Variants in CMSS1 observed in about 807,000 individuals in gnomAD.
CMSS1 encodes the protein protein CMSS1.
In CMSS1, 33 loss-of-function variants were observed where a neutral mutation model predicts 43.5. The ratio of observed to expected loss-of-function variants is 0.76; its 90% CI spans 0.57 to 1.01. The LOEUF (loss-of-function observed/expected upper bound fraction) is 1.01. Ranked by LOEUF, CMSS1 falls within the 50% of genes least tolerant of loss-of-function variation. The pLI is 0.00. For missense variants in CMSS1, 313 were observed against 326.4 expected (o/e 0.96, Z 0.32); for synonymous variants, 115 against 117.2 (o/e 0.98, Z 0.12).
At chr3:99,963,990 G>T (rs1559705644) in intron 1 of CMSS1, among the ~76,000 whole-genome samples, 8 of 151,976 alleles carry the variant, frequency 5.3e-5, no homozygotes, top group Admixed American at 4.6e-4. Context: ...GAGCTCCCAG[G>T]TACAACCAAG....
intron 1 of CMSS1, among the ~76,000 whole-genome samples, chr3:99,840,118 C>G (rs1313051383): frequency 6.7e-6 from 1 of 149,214 alleles, no homozygotes; most frequent in Admixed American, 6.7e-5. Context: ...TTCCCCACAA[C>G]AAAGAGTTAC....
At position 99,957,566 on chromosome 3, in the gene CMSS1, G is replaced by A. The variant is rs151322851; in HGVS notation, c.64+139523G>A. 2.1e-3 allele frequency among the ~76,000 whole-genome samples: 321 copies of A among 151,860 alleles called. 1 individual carries two copies. The highest frequency in any genetic ancestry group is 4.3e-3 in the Admixed American group (65 of 15,260). ...TGCTCTTAATCACTTCTTTAATACC[G>A]TAAACAGTTGGAATTTTCACCCTCT... On this transcript the variant is annotated intron_variant, in intron 1 of 9. Transcript: ENST00000421999.
At chr3:99,946,540 G>T (rs1407616304) in intron 1 of CMSS1, among the ~76,000 whole-genome samples, 1 of 152,208 alleles carries the variant, frequency 6.6e-6, no homozygotes, top group African/African-American at 2.4e-5. Context: ...TGCAGCTAAA[G>T]AATGGGCTGA....
At chr3:99,911,370 G>T (rs1207046836) in intron 1 of CMSS1, among the ~76,000 whole-genome samples, 1 of 150,432 alleles carries the variant, frequency 6.6e-6, no homozygotes. Context: ...TATTATTATT[G>T]TTAAGTTGTT....
At position 99,975,869 on chromosome 3, in the gene CMSS1, G is replaced by A. The variant is rs1007618956; in HGVS notation, c.64+157826G>A. Among the ~76,000 whole-genome samples, 4 of 152,270 alleles carry A rather than the reference G, an allele frequency of 2.6e-5. 1 individual carries two copies. Among genetic ancestry groups the A allele is most frequent in the Admixed American group, 2.6e-4 (4 of 15,292 alleles). ...TTGCATATTTTCTTTGGGCTAGCAA[G>A]CAAACAGTAATAAAATGTCTCTTTT... On this transcript the variant is annotated intron_variant, in intron 1 of 9. Transcript: ENST00000421999.
intron 1 of CMSS1, among the ~76,000 whole-genome samples, chr3:100,044,275 T>A (rs1273035592): frequency 1.3e-5 from 2 of 152,242 alleles, no homozygotes; most frequent in Admixed American, 6.5e-5. Flanking sequence ...ATTGACATGG[T>A]CTTTGCCCTA....
chr3:99,919,951 GGAACAAGA>G (rs1317103263), intron 1 of CMSS1, among the ~76,000 whole-genome samples: 2 of 152,170 alleles, frequency 1.3e-5, no homozygotes, highest in African/African-American at 4.8e-5. Flanking sequence ...GGACAGAAAA[GGAACAAGA>G]GATTAATTCT....
At chr3:99,907,873 T>G (rs1706671595) in intron 1 of CMSS1, among the ~76,000 whole-genome samples, 1 of 152,210 alleles carries the variant, frequency 6.6e-6, no homozygotes, top group Non-Finnish European at 1.5e-5. Context: ...CCTGAATGCT[T>G]TTCTCCTCCT....
chr3:100,080,403 T>C (rs973987377), intron 1 of CMSS1, among the ~76,000 whole-genome samples: 1 of 152,180 alleles, frequency 6.6e-6, no homozygotes, highest in Non-Finnish European at 1.5e-5. Flanking sequence ...CAGACTTTAG[T>C]GAGCATAACA....
chr3:99,959,260 A>T (rs1381583859), intron 1 of CMSS1, among the ~76,000 whole-genome samples: 1 of 151,736 alleles, frequency 6.6e-6, no homozygotes, highest in Non-Finnish European at 1.5e-5. Flanking sequence ...AGTGATTCTC[A>T]TGCCTCAGCC....
intron 1 of CMSS1, among the ~76,000 whole-genome samples, chr3:99,981,548 C>G (rs531010472): frequency 1.3e-4 from 20 of 152,264 alleles, no homozygotes; most frequent in Middle Eastern, 3.4e-3. Context: ...TTGATCATCA[C>G]ACAGTGTATA....
chr3:99,883,020 G>A (rs1705778865), intron 1 of CMSS1, among the ~76,000 whole-genome samples: 1 of 141,882 alleles, frequency 7.0e-6, no homozygotes, highest in Non-Finnish European at 1.6e-5. Context: ...TGGGGGTTCT[G>A]TACATGAGAA....
intron 1 of CMSS1, among the ~76,000 whole-genome samples, chr3:99,986,520 A>G (rs1465151361): frequency 6.6e-6 from 1 of 152,238 alleles, no homozygotes; most frequent in Non-Finnish European, 1.5e-5. Flanking sequence ...AACAGGAGTT[A>G]CAGGGCTTAT....
chr3:100,098,345 A>C (rs1008852650), intron 1 of CMSS1, among the ~76,000 whole-genome samples: 19 of 152,228 alleles, frequency 1.2e-4, no homozygotes, highest in African/African-American at 4.6e-4. Flanking sequence ...TCCACCATTT[A>C]AACTGCTCTT....
At chr3:100,009,947 C>T (rs1362882489) in intron 1 of CMSS1, among the ~76,000 whole-genome samples, 1 of 152,194 alleles carries the variant, frequency 6.6e-6, no homozygotes, top group African/African-American at 2.4e-5. Context: ...TTTACCATTT[C>T]CTTTCTAACA....
intron 1 of CMSS1, among the ~76,000 whole-genome samples, chr3:99,970,385 T>G (rs760079143): frequency 4.6e-5 from 7 of 152,236 alleles, no homozygotes; most frequent in Non-Finnish European, 1.0e-4. Flanking sequence ...CTCTTAAGCA[T>G]GTAATAACTG....
At chr3:100,045,118 T>C (rs2107301658) in intron 1 of CMSS1, among the ~76,000 whole-genome samples, 1 of 152,320 alleles carries the variant, frequency 6.6e-6, no homozygotes, top group African/African-American at 2.4e-5. Context: ...TCACAAGAGA[T>C]GTAGGCTAGA....
intron 1 of CMSS1, among the ~76,000 whole-genome samples, chr3:100,130,608 C>T (rs2066698737): frequency 6.6e-6 from 1 of 152,232 alleles, no homozygotes; most frequent in Non-Finnish European, 1.5e-5. Context: ...AAACAACCAC[C>T]TAGAGTACGA....
chr3:99,997,443 C>G (rs1467245367), intron 1 of CMSS1, among the ~76,000 whole-genome samples: 2 of 152,108 alleles, frequency 1.3e-5, no homozygotes, highest in African/African-American at 4.8e-5. Context: ...AGTGACAAAT[C>G]CAGATTTTGA....
Sources: allele counts gnomAD v4.1 joint callset (sites outside exome capture counted in the v4.1 genomes callset), GRCh38; gene constraint gnomAD v4.1.1; transcripts MANE v1.5; gene names NCBI Gene and HGNC (gene_info 2026-07-23, HGNC 2026-07-21).